The following CDC123 variants were observed in gnomAD, a reference collection of about 807,000 sequenced individuals.
CDC123 encodes cell division cycle 123, also known as translation initiation factor eIF2 assembly protein.
In CDC123, 37 loss-of-function variants were observed where a neutral mutation model predicts 54.4. The observed-to-expected ratio is 0.68, with a 90% CI of 0.52 to 0.89. CDC123 has a LOEUF of 0.89. Among genes scored for constraint, CDC123 ranks in the 40% least tolerant of loss-of-function variants. The pLI is 0.00. For synonymous variants in CDC123, 144 were observed against 136.8 expected, an observed-to-expected ratio of 1.05 and a Z score of -0.37; for missense variants, 361 against 412.1, an observed-to-expected ratio of 0.88 and a Z score of 1.07.
intron 10 of CDC123, among the ~76,000 whole-genome samples, chr10:12,244,461 C>T (rs996473779): frequency 9.9e-5 from 15 of 152,284 alleles, no homozygotes; most frequent in Admixed American, 2.6e-4. Context: ...CCTGTGCCCC[C>T]GCTCTGTGCG....
intron 10 of CDC123, among the ~76,000 whole-genome samples, chr10:12,242,798 C>T (rs993954942): frequency 2.0e-5 from 3 of 151,688 alleles, no homozygotes; most frequent in Non-Finnish European, 2.9e-5. Flanking sequence ...AAAAGTTAGT[C>T]AGGCACAGTG....
chr10:12,226,049 C>T (rs1835808333), intron 6 of CDC123, among the ~76,000 whole-genome samples: 1 of 152,050 alleles, frequency 6.6e-6, no homozygotes, highest in South Asian at 2.1e-4. Flanking sequence ...GTGGACACAG[C>T]ACATGTTTCA....
At chr10:12,241,491 T>C (rs934489902) in intron 10 of CDC123, among the ~76,000 whole-genome samples, 10 of 152,218 alleles carry the variant, frequency 6.6e-5, no homozygotes, top group African/African-American at 2.4e-4. Context: ...TGGTATGCGA[T>C]ATGGATCCCC....
At chr10:12,248,876 G>A (rs1481605536) in intron 11 of CDC123, among the ~76,000 whole-genome samples, 4 of 151,818 alleles carry the variant, frequency 2.6e-5, no homozygotes, top group Non-Finnish European at 5.9e-5. Flanking sequence ...TTGGGAGGCC[G>A]AGGCAGGCAG....
intron 6 of CDC123, among the ~76,000 whole-genome samples, chr10:12,221,406 A>G (rs1270237330): frequency 1.3e-5 from 2 of 152,226 alleles, no homozygotes; most frequent in Admixed American, 6.5e-5. Flanking sequence ...AGACATGACC[A>G]TATCTCAACC....
chr10:12,219,920 C>G (rs1835712897), intron 6 of CDC123, among the ~76,000 whole-genome samples: 1 of 152,142 alleles, frequency 6.6e-6, no homozygotes, highest in East Asian at 1.9e-4. Context: ...CATCTCCTCA[C>G]CTCGTGATCC....
Position 12,237,200 on chromosome 10 carries a change from G to A in CDC123, c.622G>A (p.Glu208Lys). ...YYDHISKQKE[E>K]IRRCIQDFFK... ...TGATCATATTTCTAAACAAAAGGAA[G>A]AAATTCGCAGATGCATACAAGACTT... Residue 208 changes from glutamate to lysine, a missense_variant, in exon 9 of 13, where the codon GAA becomes AAA. By Grantham distance (56) the Glu-to-Lys change is moderately conservative (BLOSUM62 1). Coordinates refer to ENST00000281141, the MANE Select transcript of CDC123 (RefSeq NM_006023.3). The A allele has an allele frequency of 6.3e-7, 1 of 1,588,762 alleles. No homozygotes were observed. The highest frequency in any genetic ancestry group is 8.5e-7 in the Non-Finnish European group (1 of 1,170,918).
intron 4 of CDC123, among the ~76,000 whole-genome samples, chr10:12,214,551 A>G (rs539087179): frequency 1.4e-3 from 211 of 152,336 alleles, no homozygotes; most frequent in African/African-American, 4.8e-3. Flanking sequence ...ATTTATCTGT[A>G]ACAGAAAGAA....
intron 2 of CDC123, among the ~76,000 whole-genome samples, chr10:12,199,539 G>C (rs1428326976): frequency 1.3e-5 from 2 of 152,226 alleles, no homozygotes; most frequent in African/African-American, 4.8e-5. Flanking sequence ...AACAGTGCCT[G>C]ATATAGCAGA....
At chr10:12,217,537 C>A in intron 6 of CDC123, 70 bp downstream of exon 6, 1 of 1,490,674 alleles carries the variant, frequency 6.7e-7, no homozygotes, top group East Asian at 2.3e-5. Context: ...GATGAAATTC[C>A]ATTACTTATA....
intron 2 of CDC123, among the ~76,000 whole-genome samples, chr10:12,209,699 G>A (rs1186105359): frequency 6.6e-6 from 1 of 152,018 alleles, no homozygotes; most frequent in Non-Finnish European, 1.5e-5. Flanking sequence ...CAAATAGCTG[G>A]GACTACAGGC....
chr10:12,205,983 G>C (rs1588670287), intron 2 of CDC123, among the ~76,000 whole-genome samples: 1 of 152,082 alleles, frequency 6.6e-6, no homozygotes, highest in South Asian at 2.1e-4. Flanking sequence ...TGTATTTTTA[G>C]TAGAGATGGG....
intron 10 of CDC123, among the ~76,000 whole-genome samples, chr10:12,241,724 A>C: frequency 6.6e-6 from 1 of 152,192 alleles, no homozygotes; most frequent in East Asian, 1.9e-4. Flanking sequence ...AGAATCCCAA[A>C]GATCCAAAAT....
Position 12,210,011 on chromosome 10 carries a change from C to G in CDC123, c.191C>G (p.Ala64Gly). The G allele has an allele frequency of 6.2e-7, 1 of 1,614,064 alleles. No homozygotes were observed. Among genetic ancestry groups the G allele is most frequent in the Non-Finnish European group, 8.5e-7 (1 of 1,179,978 alleles). ...TCTCAGCCAGACAGTGATGATGAAG[C>G]AGAAGAAATACAGGTTGGTACCAAA... Reference protein sequence around the residue: ...THSQPDSDDEAEEIQWSDDEN... With the variant: ...THSQPDSDDEGEEIQWSDDEN... Residue 64 changes from alanine to glycine, a missense_variant, in exon 3 of 13, where the codon GCA (alanine) becomes GGA (glycine). Physicochemically the swap from Ala to Gly is moderately conservative, Grantham distance 60. Transcript: ENST00000281141.
chr10:12,215,675 G>T, intron 4 of CDC123, 65 bp from the exon 5 acceptor site: 2 of 856,910 alleles, frequency 2.3e-6, no homozygotes, highest in South Asian at 4.4e-5. Flanking sequence ...TTGAGATTTT[G>T]ATCTTGTTTT....
At chr10:12,238,422 G>A (rs949319122) in intron 9 of CDC123, 35 bp from the exon 10 acceptor site, 1 of 1,590,488 alleles carries the variant, frequency 6.3e-7, no homozygotes, top group South Asian at 1.2e-5. Context: ...TGAAATATTA[G>A]TTCATTAATA....
intron 2 of CDC123, among the ~76,000 whole-genome samples, chr10:12,207,799 A>G (rs966490200): frequency 3.3e-5 from 5 of 152,020 alleles, no homozygotes; most frequent in African/African-American, 9.7e-5. Context: ...TTTCACCCCC[A>G]TATTCATTTG....
intron 6 of CDC123, among the ~76,000 whole-genome samples, chr10:12,226,848 C>T (rs906018302): frequency 1.4e-4 from 22 of 152,064 alleles, no homozygotes; most frequent in African/African-American, 3.9e-4. Flanking sequence ...GCTTCCCAGA[C>T]GGGGTGGCGG....
chr10:12,247,887 C>G (rs1836178740), intron 11 of CDC123: 1 of 152,126 alleles, frequency 6.6e-6, no homozygotes, highest in Non-Finnish European at 1.5e-5. Context: ...GCCTGTAGTC[C>G]CAGCTACTTG....
Sources: allele counts gnomAD v4.1 joint callset (sites outside exome capture counted in the v4.1 genomes callset), GRCh38; gene constraint gnomAD v4.1.1; transcripts MANE v1.5; gene names NCBI Gene and HGNC (gene_info 2026-07-23, HGNC 2026-07-21).